Variants in MSRA observed in about 807,000 individuals in gnomAD.
MSRA encodes the protein mitochondrial peptide methionine sulfoxide reductase.
In MSRA, 54 loss-of-function variants were observed where a neutral mutation model predicts 31.3. The ratio of observed to expected loss-of-function variants is 1.73; its 90% confidence interval spans 1.39 to 2.17. The LOEUF (loss-of-function observed/expected upper bound fraction) is 2.17. Ranked by LOEUF, MSRA falls within the 30% of genes most tolerant of loss-of-function variation. MSRA has a pLI of 0.00. For missense variants in MSRA, 507 were observed against 300.9 expected (o/e 1.69, Z -5.07); for synonymous variants, 169 against 116.5 (o/e 1.45, Z -2.90).
chr8:10,148,328 G>A (rs1803342963), intron 1 of MSRA, among the ~76,000 whole-genome samples: 1 of 151,022 alleles, frequency 6.6e-6, no homozygotes, highest in African/African-American at 2.4e-5. Context: ...TTATGAGAAA[G>A]GGAAAATGTT....
intron 5 of MSRA, among the ~76,000 whole-genome samples, chr8:10,360,346 G>A (rs1285787835): frequency 6.6e-6 from 1 of 152,236 alleles, no homozygotes; most frequent in African/African-American, 2.4e-5. Context: ...CAAAAAACAT[G>A]CCTTGTGGTT....
At chr8:10,180,558 G>T (rs1806450832) in intron 1 of MSRA, among the ~76,000 whole-genome samples, 1 of 152,104 alleles carries the variant, frequency 6.6e-6, no homozygotes, top group African/African-American at 2.4e-5. Flanking sequence ...AAGCCACCTG[G>T]AGTTACCTCA....
At chr8:10,217,799 C>G (rs1810123343) in intron 2 of MSRA, among the ~76,000 whole-genome samples, 1 of 152,150 alleles carries the variant, frequency 6.6e-6, no homozygotes, top group Non-Finnish European at 1.5e-5. Flanking sequence ...TCCAGTGAGT[C>G]CATTTCCCCT....
chr8:10,413,821 T>G (rs1808302599), intron 5 of MSRA, among the ~76,000 whole-genome samples: 2 of 152,158 alleles, frequency 1.3e-5, no homozygotes. Context: ...GGAAAAACGG[T>G]GATGGTTACA....
chr8:10,383,621 AC>A (rs1806210332), intron 5 of MSRA, among the ~76,000 whole-genome samples: 1 of 152,044 alleles, frequency 6.6e-6, no homozygotes, highest in East Asian at 1.9e-4. Flanking sequence ...CATATTAGAC[AC>A]CTTGAAGTGA....
intron 5 of MSRA, among the ~76,000 whole-genome samples, chr8:10,358,644 G>A: frequency 7.5e-6 from 1 of 132,844 alleles, no homozygotes; most frequent in Admixed American, 8.1e-5. Flanking sequence ...CCAGGCTGGA[G>A]TGCAGTGGCG....
intron 5 of MSRA, chr8:10,326,558 G>A (rs923848156): frequency 1.3e-5 from 2 of 152,126 alleles, no homozygotes; most frequent in Non-Finnish European, 2.9e-5. Context: ...TGAACATGCT[G>A]GATTCTGCTT....
chr8:10,363,923 C>G (rs1044144844), intron 5 of MSRA, among the ~76,000 whole-genome samples: 1 of 151,978 alleles, frequency 6.6e-6, no homozygotes, highest in African/African-American at 2.4e-5. Context: ...AAAGTAAGAC[C>G]CTGTAACAAC....
chr8:10,207,196 C>G (rs940473871), intron 1 of MSRA, among the ~76,000 whole-genome samples: 1 of 152,114 alleles, frequency 6.6e-6, no homozygotes, highest in African/African-American at 2.4e-5. Context: ...TCCGAGTCCT[C>G]AGTGTTTACT....
chr8:10,213,952 T>A (rs1227833713), intron 2 of MSRA, among the ~76,000 whole-genome samples: 1 of 152,128 alleles, frequency 6.6e-6, no homozygotes, highest in Non-Finnish European at 1.5e-5. Context: ...TTAATGTTGA[T>A]AAATTGATAC....
At chr8:10,180,264 GA>G (rs1277229194) in intron 1 of MSRA, among the ~76,000 whole-genome samples, 1 of 152,130 alleles carries the variant, frequency 6.6e-6, no homozygotes, top group South Asian at 2.1e-4. Context: ...TATTGTAAAG[GA>G]TACAACTCAG....
chr8:10,169,956 C>A (rs1478783566), intron 1 of MSRA, among the ~76,000 whole-genome samples: 4 of 143,802 alleles, frequency 2.8e-5, no homozygotes, highest in African/African-American at 1.1e-4. Context: ...ACTCTTGTCA[C>A]CCAGGCTAGA....
chr8:10,084,251 C>A (rs1368723910), intron 1 of MSRA, among the ~76,000 whole-genome samples: 1 of 152,202 alleles, frequency 6.6e-6, no homozygotes, highest in African/African-American at 2.4e-5. Flanking sequence ...CATTTCTGAC[C>A]TGGGCCTTAG....
At chr8:10,156,857 C>G (rs1804198307) in intron 1 of MSRA, among the ~76,000 whole-genome samples, 1 of 123,678 alleles carries the variant, frequency 8.1e-6, no homozygotes, top group South Asian at 2.8e-4. Context: ...GGATTCTTTA[C>G]TTAGTCAAGT....
chr8:10,142,431 G>A (rs1000692365), intron 1 of MSRA, among the ~76,000 whole-genome samples: 3 of 152,200 alleles, frequency 2.0e-5, no homozygotes, highest in South Asian at 2.1e-4. Context: ...TTCTAAATCC[G>A]TGTTCTGTCC....
intron 3 of MSRA, 137 bp from the exon 4 acceptor site, chr8:10,301,397 A>G (rs1800835622): frequency 1.6e-6 from 1 of 635,538 alleles, no homozygotes. Flanking sequence ...ACTCTTAGCT[A>G]AAGTCTAATC....
chr8:10,194,121 A>G (rs898124670), intron 1 of MSRA, among the ~76,000 whole-genome samples: 1 of 152,132 alleles, frequency 6.6e-6, no homozygotes, highest in African/African-American at 2.4e-5. Context: ...GAAAGGCAAA[A>G]TACTTGCTGC....
chr8:10,082,027 C>T (rs1300991661), intron 1 of MSRA, among the ~76,000 whole-genome samples: 4 of 152,032 alleles, frequency 2.6e-5, no homozygotes, highest in African/African-American at 9.7e-5. Context: ...CAAAGTGAGA[C>T]CCCCAACAGT....
At chr8:10,405,514 TC>T (rs1298148971) in intron 5 of MSRA, among the ~76,000 whole-genome samples, 1 of 152,096 alleles carries the variant, frequency 6.6e-6, no homozygotes, top group Admixed American at 6.5e-5. Flanking sequence ...CATTTTTTTT[TC>T]CTTCTTTTTA....
Sources: allele counts gnomAD v4.1 joint callset (sites outside exome capture counted in the v4.1 genomes callset), GRCh38; gene constraint gnomAD v4.1.1; transcripts MANE v1.5; gene names NCBI Gene and HGNC (gene_info 2026-07-23, HGNC 2026-07-21).